FMNL2: variants seen among roughly 807,000 people sequenced by gnomAD.
FMNL2 encodes the protein formin-like protein 2.
FMNL2 carries 51 observed loss-of-function variants against 130.2 expected under a neutral mutation model. The ratio of observed to expected loss-of-function variants is 0.39; its 90% CI spans 0.31 to 0.49. The LOEUF is 0.49. Among genes scored for constraint, FMNL2 ranks in the 20% least tolerant of loss-of-function variants. The pLI, the probability that FMNL2 is intolerant of heterozygous loss-of-function variation, is 0.85. For synonymous variants in FMNL2, 465 were observed against 467.1 expected (o/e 1.00, Z 0.06); for missense variants, 977 against 1,316.2 (o/e 0.74, Z 3.99).
At chr2:152,519,604 A>G (rs568551043) in intron 1 of FMNL2, among the ~76,000 whole-genome samples, 1 of 152,316 alleles carries the variant, frequency 6.6e-6, no homozygotes, top group Admixed American at 6.5e-5. Flanking sequence ...TTCAGAATTT[A>G]TCCTTGGGAG....
intron 10 of FMNL2, among the ~76,000 whole-genome samples, chr2:152,607,932 G>A (rs1017711287): frequency 2.0e-5 from 3 of 152,016 alleles, no homozygotes; most frequent in Admixed American, 1.3e-4. Context: ...TTCTGTGAGG[G>A]TATAATCATA....
intron 1 of FMNL2, among the ~76,000 whole-genome samples, chr2:152,415,680 G>A (rs1558844081): frequency 6.6e-6 from 1 of 152,102 alleles, no homozygotes; most frequent in Non-Finnish European, 1.5e-5. Context: ...CTACTCCTAG[G>A]ATATTAAGTT....
chr2:152,416,988 A>T (rs1348310825), intron 1 of FMNL2, among the ~76,000 whole-genome samples: 2 of 152,342 alleles, frequency 1.3e-5, no homozygotes, highest in East Asian at 3.9e-4. Context: ...GGCTGAAATA[A>T]GTTTCAACTT....
At chr2:152,448,453 AT>A (rs1688471296) in intron 1 of FMNL2, among the ~76,000 whole-genome samples, 1 of 152,166 alleles carries the variant, frequency 6.6e-6, no homozygotes, top group Non-Finnish European at 1.5e-5. Context: ...GAAATTGTTA[AT>A]TGTCGGGATA....
chr2:152,372,255 A>G (rs939583962), intron 1 of FMNL2, among the ~76,000 whole-genome samples: 1 of 152,214 alleles, frequency 6.6e-6, no homozygotes, highest in Admixed American at 6.5e-5. Context: ...CTCTGTAGGT[A>G]GGTAAATTAT....
At chr2:152,395,947 G>A (rs1685371627) in intron 1 of FMNL2, among the ~76,000 whole-genome samples, 1 of 152,180 alleles carries the variant, frequency 6.6e-6, no homozygotes, top group Admixed American at 6.5e-5. Context: ...GGAATCTTTT[G>A]TTTCATTTTT....
intron 3 of FMNL2, among the ~76,000 whole-genome samples, chr2:152,544,737 A>AAAATATGC (rs1694523678): frequency 6.6e-6 from 1 of 152,174 alleles, no homozygotes; most frequent in East Asian, 1.9e-4. Context: ...TAGAAAGGAA[A>AAAATATGC]AAATATGCAC....
At chr2:152,606,997 TTTTTTTTTG>T (rs1356382470) in intron 9 of FMNL2, among the ~76,000 whole-genome samples, 2 of 130,690 alleles carry the variant, frequency 1.5e-5, no homozygotes, top group African/African-American at 2.8e-5. Flanking sequence ...ATGGTCGTTT[TTTTTTTTTG>T]TTTTTTTTTT....
intron 25 of FMNL2, among the ~76,000 whole-genome samples, chr2:152,641,530 G>GT (rs1683081078): frequency 6.6e-6 from 1 of 152,244 alleles, no homozygotes; most frequent in South Asian, 2.1e-4. Context: ...GAGGCAGCAA[G>GT]TGACTTTTCC....
chr2:152,564,531 G>A (rs1695708088), intron 6 of FMNL2, among the ~76,000 whole-genome samples: 1 of 152,090 alleles, frequency 6.6e-6, no homozygotes, highest in South Asian at 2.1e-4. Flanking sequence ...AGACCAGCCT[G>A]GCCAACATGG....
chr2:152,635,429 G>T (rs1261352396), intron 21 of FMNL2, among the ~76,000 whole-genome samples: 2 of 152,142 alleles, frequency 1.3e-5, no homozygotes, highest in Admixed American at 6.5e-5. Flanking sequence ...TAAGAAAATT[G>T]CTTGAATTTG....
chr2:152,369,364 G>A (rs989306276), intron 1 of FMNL2, among the ~76,000 whole-genome samples: 3 of 152,216 alleles, frequency 2.0e-5, no homozygotes. Flanking sequence ...ATCCAGATTA[G>A]TCACATGGCT....
intron 1 of FMNL2, among the ~76,000 whole-genome samples, chr2:152,433,908 G>C (rs965555580): frequency 5.3e-5 from 8 of 152,120 alleles, no homozygotes; most frequent in Non-Finnish European, 1.2e-4. Flanking sequence ...GTCCTGCCCT[G>C]TTTTCCTGTA....
chr2:152,401,170 G>A lies in FMNL2; in HGVS notation c.117+65450G>A, dbSNP rs114070533. On this transcript the variant is annotated intron_variant, in intron 1 of 25. Transcript: ENST00000288670. ...TATGGACACTGGGGTGGGATGGAGT[G>A]GAGGGAATTTTAGCTCTGAAAGTTT... Among the ~76,000 whole-genome samples the A allele has an allele frequency of 3.4e-3, 514 of 152,282 alleles. 4 individuals carry two copies. The highest frequency in any genetic ancestry group is 0.012 in the African/African-American group (483 of 41,546).
In FMNL2 at chr2:152,649,612, A is replaced by G. The variant is rs924311391; in HGVS notation, c.*1707A>G. 1.3e-5 allele frequency: 2 copies of G among 152,668 alleles called. No individual in the cohort carries two copies. Among genetic ancestry groups the G allele is most frequent in the African/African-American group, 4.8e-5 (2 of 41,464 alleles). The allele number at this position is 152,668 out of a possible 1,614,324, so 9.5% of individuals were successfully genotyped here. ...CCAAGTTGGACTTCCACTACAAAGC[A>G]GCTGTTTTCCAAAGTTCAATGCTGA... On this transcript the variant is annotated 3_prime_UTR_variant, in exon 26 of 26. Coordinates refer to ENST00000288670, the MANE Select transcript of FMNL2 (RefSeq NM_052905.4).
chr2:152,479,803 A>G (rs535856587), intron 1 of FMNL2, among the ~76,000 whole-genome samples: 105 of 142,192 alleles, frequency 7.4e-4, no homozygotes, highest in African/African-American at 2.7e-3. Context: ...CTCCGCCTCC[A>G]GGGTTCAAGC....
At chr2:152,372,090 T>C (rs1307078543) in intron 1 of FMNL2, among the ~76,000 whole-genome samples, 1 of 152,196 alleles carries the variant, frequency 6.6e-6, no homozygotes, top group Non-Finnish European at 1.5e-5. Context: ...GGGTGTAGTA[T>C]ATGGAAGATA....
intron 9 of FMNL2, among the ~76,000 whole-genome samples, chr2:152,604,601 CTG>C (rs938025382): frequency 8.6e-5 from 13 of 151,366 alleles, no homozygotes; most frequent in African/African-American, 3.2e-4. Context: ...CCAAAGTACA[CTG>C]TTTTTTTTTT....
chr2:152,615,985 C>T (rs551740857), intron 12 of FMNL2, among the ~76,000 whole-genome samples: 22 of 152,206 alleles, frequency 1.4e-4, no homozygotes, highest in Non-Finnish European at 2.9e-4. Flanking sequence ...ACCCAGCTGG[C>T]ATCCGCTTAA....
Sources: gnomAD v4.1 joint callset for allele counts (sites outside exome capture counted in the v4.1 genomes callset) on GRCh38, gnomAD v4.1.1 for gene constraint, MANE v1.5 for transcripts, NCBI Gene and HGNC (gene_info 2026-07-23, HGNC 2026-07-21) for gene names.